RSPO2: variants seen among roughly 807,000 people sequenced by gnomAD.
RSPO2 encodes R-spondin-2.
A neutral mutation model predicts 30.9 loss-of-function variants in RSPO2; 14 were observed. That is an observed-to-expected ratio of 0.45 (90% CI 0.30 to 0.71). The LOEUF (loss-of-function observed/expected upper bound fraction) is 0.71. Ranked by LOEUF, RSPO2 falls within the 30% of genes least tolerant of loss-of-function variation. The probability of loss-of-function intolerance (pLI) is 0.08; values close to 1 mark genes in which losing one functional copy is unlikely to be tolerated. For missense variants in RSPO2, 264 were observed against 301.9 expected, an observed-to-expected ratio of 0.87 and a Z score of 0.93; for synonymous variants, 107 against 96.4, an observed-to-expected ratio of 1.11 and a Z score of -0.64.
rs534539620 is a variant in RSPO2, at chr8:108,059,617, G to A, written c.94+22928C>T. Among the ~76,000 whole-genome samples, 9 of 147,912 alleles carry A rather than the reference G, an allele frequency of 6.1e-5. No individual in the cohort carries two copies. In the East Asian group the frequency reaches 1.8e-3, roughly 29 times the overall value. ...GGAACCAACCCAAATGTCCAACAAT[G>A]ATAGACTGGATTAAGAAAATGTGGC... On this transcript the variant is annotated intron_variant, in intron 2 of 5. Transcript: ENST00000276659.
At chr8:107,940,254 A>C (rs1440840687) in intron 5 of RSPO2, among the ~76,000 whole-genome samples, 1 of 152,114 alleles carries the variant, frequency 6.6e-6, no homozygotes, top group African/African-American at 2.4e-5. Flanking sequence ...TTTGCCTTAA[A>C]GGAACTCAAA....
intron 2 of RSPO2, among the ~76,000 whole-genome samples, chr8:108,067,032 G>A (rs1812694891): frequency 6.6e-6 from 1 of 152,218 alleles, no homozygotes; most frequent in South Asian, 2.1e-4. Context: ...GTGGAAGATT[G>A]AGGAACAAGT....
At chr8:107,983,355 T>G in intron 3 of RSPO2, 2 of 1,609,730 alleles carry the variant, frequency 1.2e-6, no homozygotes, top group Non-Finnish European at 1.7e-6. Flanking sequence ...GGGCCCAGGG[T>G]GAAGCAAGAT....
At chr8:107,996,688 A>C (rs1170248407) in intron 2 of RSPO2, among the ~76,000 whole-genome samples, 1 of 152,152 alleles carries the variant, frequency 6.6e-6, no homozygotes, top group Non-Finnish European at 1.5e-5. Flanking sequence ...CACAGTAAGA[A>C]GTATAGAGAA....
chr8:108,080,722 A>C (rs1051417829), intron 2 of RSPO2, among the ~76,000 whole-genome samples: 37 of 152,232 alleles, frequency 2.4e-4, no homozygotes, highest in African/African-American at 8.0e-4. Context: ...TGGGACAGGC[A>C]GGGTGGATCA....
intron 5 of RSPO2, among the ~76,000 whole-genome samples, chr8:107,931,916 T>C (rs1484592555): frequency 1.3e-5 from 2 of 152,198 alleles, no homozygotes; most frequent in Admixed American, 1.3e-4. Context: ...CCTCCACTTT[T>C]GTTTACTTCA....
chr8:107,933,858 A>C (rs1455838172), intron 5 of RSPO2, among the ~76,000 whole-genome samples: 2 of 152,204 alleles, frequency 1.3e-5, no homozygotes, highest in African/African-American at 4.8e-5. Flanking sequence ...GCTCTGAAAA[A>C]TTCAAAGTTC....
At chr8:108,072,821 TC>T (rs1204045655) in intron 2 of RSPO2, among the ~76,000 whole-genome samples, 2 of 152,102 alleles carry the variant, frequency 1.3e-5, no homozygotes, top group African/African-American at 4.8e-5. Flanking sequence ...GAGAGAAGCA[TC>T]GAAATAAATA....
intron 5 of RSPO2, among the ~76,000 whole-genome samples, chr8:107,923,419 A>G (rs1330814608): frequency 6.6e-6 from 1 of 152,208 alleles, no homozygotes; most frequent in Non-Finnish European, 1.5e-5. Flanking sequence ...AAAAAATATC[A>G]GACGCTAGTG....
At chr8:107,971,386 A>G (rs2130471558) in intron 3 of RSPO2, among the ~76,000 whole-genome samples, 1 of 152,362 alleles carries the variant, frequency 6.6e-6, no homozygotes, top group African/African-American at 2.4e-5. Context: ...AGAGAGAAAA[A>G]TGTTTATTCT....
At chr8:107,996,980 T>A (rs1815049869) in intron 2 of RSPO2, 1 of 449,956 alleles carries the variant, frequency 2.2e-6, no homozygotes, top group African/African-American at 2.0e-5. Flanking sequence ...AAAAGTGATG[T>A]GAACCACACC....
At chr8:108,019,824 T>C (rs1811003655) in intron 2 of RSPO2, among the ~76,000 whole-genome samples, 1 of 152,160 alleles carries the variant, frequency 6.6e-6, no homozygotes, top group Non-Finnish European at 1.5e-5. Context: ...TTTTTCCAAA[T>C]GTTCTTTAAA....
At chr8:107,968,432 A>T (rs1813886513) in intron 3 of RSPO2, among the ~76,000 whole-genome samples, 1 of 152,150 alleles carries the variant, frequency 6.6e-6, no homozygotes, top group African/African-American at 2.4e-5. Flanking sequence ...AATGGTGGTT[A>T]CCAGAGACTG....
chr8:107,996,510 C>A (rs920051206), intron 2 of RSPO2, among the ~76,000 whole-genome samples: 1 of 152,096 alleles, frequency 6.6e-6, no homozygotes, highest in African/African-American at 2.4e-5. Flanking sequence ...AATATCCAAC[C>A]CAAATCTAGC....
chr8:107,939,084 A>T (rs1198040315), intron 5 of RSPO2, among the ~76,000 whole-genome samples: 1 of 152,176 alleles, frequency 6.6e-6, no homozygotes, highest in East Asian at 1.9e-4. Flanking sequence ...GGGATTCTGA[A>T]GAAAGGAAAC....
At chr8:107,937,080 G>T (rs1381948914) in intron 5 of RSPO2, among the ~76,000 whole-genome samples, 1 of 149,800 alleles carries the variant, frequency 6.7e-6, no homozygotes, top group East Asian at 1.9e-4. Flanking sequence ...ATGTCTTAAA[G>T]TGTTTTCCCT....
chr8:108,068,470 A>G (rs1812738613), intron 2 of RSPO2, among the ~76,000 whole-genome samples: 1 of 152,176 alleles, frequency 6.6e-6, no homozygotes, highest in Non-Finnish European at 1.5e-5. Flanking sequence ...TATAATTAAC[A>G]ATATTCCACA....
intron 5 of RSPO2, 62 bp downstream of exon 5, chr8:107,958,018 G>T: frequency 1.8e-6 from 2 of 1,118,144 alleles, no homozygotes; most frequent in Non-Finnish European, 1.3e-6. Flanking sequence ...AGGGAAGGTG[G>T]TTAGGAAGCG....
intron 4 of RSPO2, among the ~76,000 whole-genome samples, chr8:107,959,697 C>CA (rs1327666032): frequency 2.0e-5 from 3 of 152,202 alleles, no homozygotes; most frequent in African/African-American, 7.2e-5. Context: ...GCAAATTCAA[C>CA]ATTCTGAATA....
Sources: gnomAD v4.1 joint callset for allele counts (sites outside exome capture counted in the v4.1 genomes callset) on GRCh38, gnomAD v4.1.1 for gene constraint, MANE v1.5 for transcripts, NCBI Gene and HGNC (gene_info 2026-07-23, HGNC 2026-07-21) for gene names.